Variants in LRRC69 observed in about 807,000 individuals in gnomAD.
LRRC69 encodes the protein leucine-rich repeat-containing protein 69.
Under a neutral mutation model 37.8 loss-of-function variants are expected in LRRC69, and 42 were observed. That is an observed-to-expected ratio of 1.11 (90% CI 0.87 to 1.44). The LOEUF (loss-of-function observed/expected upper bound fraction) is 1.44, where lower values mean the gene tolerates loss of function less well. LRRC69 is among the 40% of genes most tolerant of loss of function. LRRC69 has a pLI of 0.00. For missense variants in LRRC69, 357 were observed against 401.9 expected (o/e 0.89, Z 0.96); for synonymous variants, 141 against 143.1 (o/e 0.99, Z 0.11).
At chr8:91,146,805 G>T (rs1808626892) in intron 5 of LRRC69, among the ~76,000 whole-genome samples, 1 of 151,826 alleles carries the variant, frequency 6.6e-6, no homozygotes, top group African/African-American at 2.4e-5. Context: ...AACCAGGGAA[G>T]ATTTAGCCCT....
exon 2 of LRRC69, chr8:91,124,592 A>C: frequency 6.5e-7 from 1 of 1,541,300 alleles, no homozygotes; most frequent in Non-Finnish European, 8.7e-7. Flanking sequence ...TGGAAATAGG[A>C]TCTGTAGATT....
At chr8:91,191,994 C>T (rs188687154) in intron 6 of LRRC69, among the ~76,000 whole-genome samples, 5 of 110,540 alleles carry the variant, frequency 4.5e-5, no homozygotes, top group African/African-American at 6.7e-5. Context: ...ATCCCTCCCC[C>T]CTCCCCCCAC....
chr8:91,123,400 T>C (rs1391800625), intron 1 of LRRC69, among the ~76,000 whole-genome samples: 3 of 152,062 alleles, frequency 2.0e-5, no homozygotes, highest in Admixed American at 2.0e-4. Context: ...ATTAGGATAA[T>C]GGTAATTCTT....
At chr8:91,190,870 CAG>C (rs1176109465) in intron 6 of LRRC69, among the ~76,000 whole-genome samples, 7 of 152,098 alleles carry the variant, frequency 4.6e-5, no homozygotes, top group African/African-American at 1.7e-4. Flanking sequence ...GCCTGGCCAA[CAG>C]AGTGAGACCC....
At chr8:91,177,242 G>A (rs1252631051) in intron 5 of LRRC69, among the ~76,000 whole-genome samples, 4 of 152,050 alleles carry the variant, frequency 2.6e-5, no homozygotes, top group Non-Finnish European at 5.9e-5. Flanking sequence ...TTCAGGAATA[G>A]TATTAATTCT....
chr8:91,176,134 A>ATATATATATTTTTTTTTTTTTTTT, intron 5 of LRRC69, among the ~76,000 whole-genome samples: 1 of 75,710 alleles, frequency 1.3e-5, no homozygotes, highest in African/African-American at 6.1e-5. Flanking sequence ...ATATATATAT[A>ATATATATATTTTTTTTTTTTTTTT]TTTTTTTTTT....
intron 5 of LRRC69, among the ~76,000 whole-genome samples, chr8:91,176,657 C>T (rs1227252017): frequency 1.3e-5 from 2 of 152,168 alleles, no homozygotes; most frequent in Non-Finnish European, 2.9e-5. Flanking sequence ...GCCTCAGAAG[C>T]AGGAGAGCTG....
intron 5 of LRRC69, among the ~76,000 whole-genome samples, chr8:91,181,633 G>T (rs1809326556): frequency 6.6e-6 from 1 of 152,114 alleles, no homozygotes; most frequent in Non-Finnish European, 1.5e-5. Flanking sequence ...AAAGAGATAA[G>T]ACCCATGCAA....
chr8:91,107,135 GTTA>G (rs1457878705), intron 1 of LRRC69, among the ~76,000 whole-genome samples: 4 of 148,666 alleles, frequency 2.7e-5, no homozygotes, highest in Admixed American at 6.7e-5. Flanking sequence ...TATTATTATT[GTTA>G]TTATTATTAT....
intron 3 of LRRC69, among the ~76,000 whole-genome samples, chr8:91,131,879 A>G (rs1300916875): frequency 6.6e-6 from 1 of 151,910 alleles, no homozygotes; most frequent in Non-Finnish European, 1.5e-5. Flanking sequence ...CTGTGTTCAT[A>G]ACTTTGCTGG....
chr8:91,106,443 A>G (rs1813313130), intron 1 of LRRC69, among the ~76,000 whole-genome samples: 1 of 152,036 alleles, frequency 6.6e-6, no homozygotes, highest in African/African-American at 2.4e-5. Context: ...AAATTTCTGT[A>G]CTCATAAAAT....
chr8:91,160,507 G>A (rs910363010), intron 5 of LRRC69, among the ~76,000 whole-genome samples: 1 of 151,074 alleles, frequency 6.6e-6, no homozygotes, highest in Admixed American at 6.6e-5. Context: ...CCTGGTGGGA[G>A]GTGATTGGAT....
At chr8:91,185,345 GTC>G (rs531618572) in intron 5 of LRRC69, among the ~76,000 whole-genome samples, 13 of 141,290 alleles carry the variant, frequency 9.2e-5, no homozygotes, top group Admixed American at 2.8e-4. Flanking sequence ...CTGTCTGTCT[GTC>G]TCTCTCTCTC....
chr8:91,116,456 A>T (rs1274185448), intron 1 of LRRC69, among the ~76,000 whole-genome samples: 1 of 151,982 alleles, frequency 6.6e-6, no homozygotes, highest in African/African-American at 2.4e-5. Flanking sequence ...TAGGACAAGG[A>T]TATTTAAAAT....
intron 5 of LRRC69, among the ~76,000 whole-genome samples, chr8:91,160,448 C>T (rs1338131842): frequency 1.3e-5 from 2 of 150,854 alleles, no homozygotes; most frequent in Non-Finnish European, 3.0e-5. Context: ...GCTCTGTGTC[C>T]CCACCCAAAT....
intron 5 of LRRC69, among the ~76,000 whole-genome samples, chr8:91,135,946 A>T (rs569971545): frequency 1.3e-5 from 2 of 151,936 alleles, no homozygotes; most frequent in Non-Finnish European, 1.5e-5. Flanking sequence ...GTTTGAACTA[A>T]GTTAACTCTG....
chr8:91,192,915 C>T (rs1809526301), intron 6 of LRRC69, among the ~76,000 whole-genome samples: 1 of 152,098 alleles, frequency 6.6e-6, no homozygotes, highest in Non-Finnish European at 1.5e-5. Flanking sequence ...ACATGAAGTC[C>T]TTGCCCAAGC....
intron 5 of LRRC69, among the ~76,000 whole-genome samples, chr8:91,178,321 A>G (rs1809270165): frequency 6.6e-6 from 1 of 152,192 alleles, no homozygotes; most frequent in African/African-American, 2.4e-5. Flanking sequence ...TACAATTGAT[A>G]TGGCCCCTCC....
At chr8:91,183,957 T>C (rs192121398) in intron 5 of LRRC69, among the ~76,000 whole-genome samples, 1 of 152,062 alleles carries the variant, frequency 6.6e-6, no homozygotes, top group Non-Finnish European at 1.5e-5. Context: ...TTACCATTCA[T>C]TTTTTTTAAA....
Sources: allele counts gnomAD v4.1 joint callset (sites outside exome capture counted in the v4.1 genomes callset), GRCh38; gene constraint gnomAD v4.1.1; transcripts MANE v1.5; gene names NCBI Gene and HGNC (gene_info 2026-07-23, HGNC 2026-07-21).